LRBA: variants seen among roughly 807,000 people sequenced by gnomAD.
The protein encoded by LRBA is lipopolysaccharide-responsive and beige-like anchor protein.
Under a neutral mutation model 330.0 loss-of-function variants are expected in LRBA, and 176 were observed. The ratio of observed to expected loss-of-function variants is 0.53; its 90% CI spans 0.47 to 0.60. The LOEUF is 0.60. Ranked by LOEUF, LRBA falls within the 20% of genes least tolerant of loss-of-function variation. The pLI is 0.00. For synonymous variants in LRBA, 1,230 were observed against 1,193.0 expected, an observed-to-expected ratio of 1.03 and a Z score of -0.64; for missense variants, 3,259 against 3,444.8, an observed-to-expected ratio of 0.95 and a Z score of 1.35.
rs886443286 is a variant in LRBA, at chr4:150,831,825, G to A, written c.4721C>T (p.Ser1574Leu). Residue 1574 changes from serine to leucine, a missense_variant, in exon 29 of 57, where the codon TCA (serine) becomes TTA (leucine). Physicochemically the swap from Ser to Leu is moderately radical, Grantham distance 145. Transcript: ENST00000651943. Reference protein sequence around the residue: ...TETGSENENVSLSEITPAAFS... With the variant: ...TETGSENENVLLSEITPAAFS... Reference sequence around the variant, plus strand: ...AGAAAATGCAAACTTACCAGAGAGTGATACATTCTCATTTTCACTGCCAGT... The same window carrying A: ...AGAAAATGCAAACTTACCAGAGAGTAATACATTCTCATTTTCACTGCCAGT... 6.3e-7 allele frequency: 1 copy of A among 1,594,474 alleles called. No homozygotes were observed.
intron 47 of LRBA, among the ~76,000 whole-genome samples, chr4:150,407,432 A>G (rs1021681996): frequency 2.6e-5 from 4 of 152,222 alleles, no homozygotes; most frequent in Admixed American, 2.6e-4. Context: ...AGACTTCAAT[A>G]TCCCACTAGC....
chr4:150,285,386 T>G (rs971122366), intron 54 of LRBA, among the ~76,000 whole-genome samples: 1 of 152,208 alleles, frequency 6.6e-6, no homozygotes, highest in African/African-American at 2.4e-5. Context: ...CCTAAATATA[T>G]AATGCTGTTT....
intron 37 of LRBA, among the ~76,000 whole-genome samples, chr4:150,605,355 A>G (rs535024923): frequency 2.0e-5 from 3 of 152,264 alleles, no homozygotes; most frequent in South Asian, 4.1e-4. Flanking sequence ...ATATTAGAAA[A>G]TTTTCCCATT....
intron 51 of LRBA, chr4:150,310,957 T>G (rs2126881974): frequency 6.6e-6 from 1 of 152,370 alleles, no homozygotes; most frequent in South Asian, 2.1e-4. Context: ...TGACTGTTTA[T>G]TAAAGATTCC....
chr4:150,492,311 T>C (rs144253370), intron 40 of LRBA, among the ~76,000 whole-genome samples: 1 of 152,228 alleles, frequency 6.6e-6, no homozygotes, highest in African/African-American at 2.4e-5. Flanking sequence ...AGAGTGTTTC[T>C]TGAAAATACA....
chr4:150,817,625 C>A (rs1198204754), intron 30 of LRBA, among the ~76,000 whole-genome samples: 2 of 150,866 alleles, frequency 1.3e-5, no homozygotes, highest in African/African-American at 4.9e-5. Flanking sequence ...ATAATAAAAC[C>A]TTAGAAATCT....
At chr4:150,532,296 G>A (rs1764128516) in intron 40 of LRBA, among the ~76,000 whole-genome samples, 1 of 152,030 alleles carries the variant, frequency 6.6e-6, no homozygotes, top group Non-Finnish European at 1.5e-5. Flanking sequence ...TTTCTCCTTT[G>A]TTGAATACAC....
chr4:150,391,604 C>T (rs6848342), intron 47 of LRBA, among the ~76,000 whole-genome samples: 9,019 of 152,082 alleles, frequency 0.059, 426 homozygotes, highest in East Asian at 0.18. Context: ...ATGTCATATA[C>T]GTGACAGGAA....
At chr4:150,666,417 CAGG>C (rs1781560397) in intron 37 of LRBA, among the ~76,000 whole-genome samples, 1 of 151,866 alleles carries the variant, frequency 6.6e-6, no homozygotes, top group African/African-American at 2.4e-5. Flanking sequence ...GAGGCTGAAG[CAGG>C]AGATTTGCTT....
intron 36 of LRBA, among the ~76,000 whole-genome samples, chr4:150,719,958 T>C (rs1023499674): frequency 1.3e-5 from 2 of 152,054 alleles, no homozygotes; most frequent in Admixed American, 6.6e-5. Flanking sequence ...GTAGAAAATA[T>C]TTAACAAAAT....
At chr4:150,308,269 T>C (rs1213705944) in intron 52 of LRBA, among the ~76,000 whole-genome samples, 1 of 152,204 alleles carries the variant, frequency 6.6e-6, no homozygotes, top group Non-Finnish European at 1.5e-5. Flanking sequence ...GGTGGTCCCA[T>C]GATATTATAA....
intron 4 of LRBA, among the ~76,000 whole-genome samples, chr4:150,923,950 C>T (rs1217115238): frequency 6.6e-6 from 1 of 152,124 alleles, no homozygotes; most frequent in East Asian, 1.9e-4. Context: ...TTTCAATTAA[C>T]CATACTGCTC....
intron 35 of LRBA, among the ~76,000 whole-genome samples, chr4:150,755,380 C>G (rs1229105458): frequency 2.0e-5 from 3 of 152,144 alleles, no homozygotes; most frequent in African/African-American, 7.2e-5. Context: ...GATAATCTGC[C>G]CTTTCTGTGC....
chr4:150,514,616 C>T (rs768891780), intron 40 of LRBA, among the ~76,000 whole-genome samples: 15 of 152,100 alleles, frequency 9.9e-5, no homozygotes, highest in Admixed American at 6.6e-4. Flanking sequence ...CACTTTCCTT[C>T]TGTGGTCTCC....
intron 36 of LRBA, among the ~76,000 whole-genome samples, chr4:150,725,921 T>C (rs548056514): frequency 2.6e-5 from 4 of 152,204 alleles, no homozygotes; most frequent in Admixed American, 2.6e-4. Context: ...GAAGTTGCCA[T>C]TAGTTTTACA....
chr4:150,398,134 T>C (rs977140532), intron 47 of LRBA, among the ~76,000 whole-genome samples: 1 of 152,132 alleles, frequency 6.6e-6, no homozygotes, highest in African/African-American at 2.4e-5. Context: ...GACATTCTGT[T>C]GGTGGAATAG....
At chr4:150,344,279 T>A (rs1679815413) in intron 48 of LRBA, among the ~76,000 whole-genome samples, 1 of 152,220 alleles carries the variant, frequency 6.6e-6, no homozygotes, top group South Asian at 2.1e-4. Flanking sequence ...AAAACTATCA[T>A]AAACTTTAAA....
intron 2 of LRBA, among the ~76,000 whole-genome samples, chr4:150,953,663 G>A (rs1415843661): frequency 6.6e-6 from 1 of 152,074 alleles, no homozygotes; most frequent in Non-Finnish European, 1.5e-5. Context: ...CTCACTGAGT[G>A]CTCAATGTTG....
chr4:150,530,626 G>A (rs1459804165), intron 40 of LRBA, among the ~76,000 whole-genome samples: 1 of 152,076 alleles, frequency 6.6e-6, no homozygotes, highest in Non-Finnish European at 1.5e-5. Flanking sequence ...GGCTTATAAG[G>A]AGCCCATCAT....
Sources: allele counts gnomAD v4.1 joint callset (sites outside exome capture counted in the v4.1 genomes callset), GRCh38; gene constraint gnomAD v4.1.1; transcripts MANE v1.5; gene names NCBI Gene and HGNC (gene_info 2026-07-23, HGNC 2026-07-21).